The following VANGL2 variants were observed in gnomAD, a reference collection of about 807,000 sequenced individuals.
The protein encoded by VANGL2 is vang-like protein 2.
Under a neutral mutation model 50.2 loss-of-function variants are expected in VANGL2, and 14 were observed. The ratio of observed to expected loss-of-function variants is 0.28; its 90% confidence interval spans 0.18 to 0.44. The LOEUF (loss-of-function observed/expected upper bound fraction) is 0.44. Ranked by LOEUF, VANGL2 falls within the 20% of genes least tolerant of loss-of-function variation. The pLI, the probability that VANGL2 is intolerant of heterozygous loss-of-function variation, is 1.00. For synonymous variants in VANGL2, 295 were observed against 297.2 expected (o/e 0.99, Z 0.08); for missense variants, 533 against 701.5 (o/e 0.76, Z 2.71).
At chr1:160,420,058 G>A (rs1332319313) in intron 4 of VANGL2, among the ~76,000 whole-genome samples, 1 of 152,090 alleles carries the variant, frequency 6.6e-6, no homozygotes, top group Non-Finnish European at 1.5e-5. Context: ...TCAGCTCCCA[G>A]TAAACAAGCT....
chr1:160,421,342 A>G (rs1028620890), intron 6 of VANGL2, among the ~76,000 whole-genome samples, 155 bp downstream of exon 6: 1 of 152,190 alleles, frequency 6.6e-6, no homozygotes, highest in Non-Finnish European at 1.5e-5. Flanking sequence ...ACAGATTACC[A>G]TAAACTTAGC....
intron 6 of VANGL2, among the ~76,000 whole-genome samples, chr1:160,423,497 T>G (rs1192510332): frequency 6.6e-6 from 1 of 152,238 alleles, no homozygotes; most frequent in Non-Finnish European, 1.5e-5. Context: ...CTCTTGTGAA[T>G]TTTCTGTTCA....
chr1:160,425,070 G>A (rs370351662), intron 7 of VANGL2, 48 bp from the exon 8 acceptor site: 25 of 1,613,788 alleles, frequency 1.5e-5, no homozygotes, highest in Admixed American at 5.0e-5. Flanking sequence ...ATGAAGGACC[G>A]TGGGTAGATG....
At chr1:160,412,903 G>GTA (rs1446564846) in intron 1 of VANGL2, among the ~76,000 whole-genome samples, 1 of 152,130 alleles carries the variant, frequency 6.6e-6, no homozygotes, top group Non-Finnish European at 1.5e-5. Context: ...CTATGTTTAG[G>GTA]TACACAAGTA....
Position 160,425,487 on chromosome 1 carries a change from T to TC in VANGL2, c.*109_*110insC. On this transcript the variant is annotated 3_prime_UTR_variant, in exon 8 of 8. Transcript: ENST00000368061. ...CCTGCCACCCTTCTTCTTCTTGCTC[T>TC]TTTTTTTTTACTTGAATTAACGCAC... The TC allele has an allele frequency of 1.5e-6, 1 of 673,180 alleles. No individual in the cohort carries two copies. Among genetic ancestry groups the TC allele is most frequent in the East Asian group, 4.1e-5 (1 of 24,276 alleles). The allele number at this position is 673,180 out of a possible 1,614,324, so 41.7% of individuals were successfully genotyped here. A position where few individuals can be genotyped will look rare whatever the true frequency, so the allele number is the denominator to read the frequency against.
rs1651445815 is a variant in VANGL2 at position 160,426,123 on chromosome 1, T to C, written c.*745T>C. On this transcript the variant is annotated 3_prime_UTR_variant, in exon 8 of 8. Transcript: ENST00000368061. ...GGGACTTAGGGGAAGGTACCTTTCTTCCAATGTGTCTTCCTAGGCAGCCCC... is the reference window on the plus strand; with the variant it reads ...GGGACTTAGGGGAAGGTACCTTTCTCCCAATGTGTCTTCCTAGGCAGCCCC... The C allele has an allele frequency of 1.3e-5, 2 of 152,162 alleles. No homozygotes were observed. The highest frequency in any genetic ancestry group is 4.8e-5 in the African/African-American group (2 of 41,416). 9.4% of individuals were successfully genotyped at this position (152,162 alleles called of 1,614,324 possible).
chr1:160,410,768 T>C (rs1409833451), intron 1 of VANGL2, among the ~76,000 whole-genome samples: 1 of 152,042 alleles, frequency 6.6e-6, no homozygotes, highest in Non-Finnish European at 1.5e-5. Flanking sequence ...GTGTATTTTT[T>C]CCAGAGGCCT....
At chr1:160,402,376 A>G (rs1650504299) in intron 1 of VANGL2, among the ~76,000 whole-genome samples, 1 of 152,120 alleles carries the variant, frequency 6.6e-6, no homozygotes, top group Admixed American at 6.5e-5. Flanking sequence ...GCTGCTTCAT[A>G]GCCTTCTAAC....
At chr1:160,417,700 C>T (rs1651109072) in intron 3 of VANGL2, among the ~76,000 whole-genome samples, 2 of 152,354 alleles carry the variant, frequency 1.3e-5, no homozygotes, top group South Asian at 4.1e-4. Context: ...TTGCCCAGCC[C>T]AGCACTGCAG....
At chr1:160,417,603 AC>A (rs1222364770) in intron 3 of VANGL2, among the ~76,000 whole-genome samples, 1 of 151,774 alleles carries the variant, frequency 6.6e-6, no homozygotes, top group Non-Finnish European at 1.5e-5. Context: ...TCACCCCTTT[AC>A]CCCTGGGGTC....
At chr1:160,415,983 G>A in intron 2 of VANGL2, 75 bp downstream of exon 2, 8 of 1,614,218 alleles carry the variant, frequency 5.0e-6, no homozygotes, top group Non-Finnish European at 5.9e-6. Flanking sequence ...ACGTGCAGGG[G>A]TGGTAGGGTA....
chr1:160,407,594 G>A (rs1008237017), intron 1 of VANGL2, among the ~76,000 whole-genome samples: 1 of 152,204 alleles, frequency 6.6e-6, no homozygotes, highest in African/African-American at 2.4e-5. Context: ...CAGGGGCTGG[G>A]TGAGCAGGCT....
intron 1 of VANGL2, among the ~76,000 whole-genome samples, chr1:160,408,031 G>T (rs372959343): frequency 6.6e-6 from 1 of 152,182 alleles, no homozygotes; most frequent in Non-Finnish European, 1.5e-5. Context: ...TCCACCCCCA[G>T]TGTTCTCTTC....
chr1:160,422,473 A>G (rs1235926085), intron 6 of VANGL2, among the ~76,000 whole-genome samples: 1 of 152,234 alleles, frequency 6.6e-6, no homozygotes, highest in Admixed American at 6.5e-5. Flanking sequence ...TGAGAAATGT[A>G]GGGGAAGCAA....
chr1:160,424,262 C>G lies in VANGL2; in HGVS notation c.1284C>G (p.Ile428Met). 1 of 1,614,220 alleles carries G rather than the reference C, an allele frequency of 6.2e-7. No homozygotes were observed. ...ESILQHLEFCITHDMTPKAFL... is the reference protein window; with the variant it reads ...ESILQHLEFCMTHDMTPKAFL... ...TCCTGCAGCACCTTGAATTCTGCAT[C>G]ACGCATGACATGACGCCCAAGGTAG... Residue 428 changes from isoleucine to methionine, a missense_variant, in exon 7 of 8, where the codon ATC becomes ATG. Physicochemically the swap from Ile to Met is conservative, Grantham distance 10 (BLOSUM62 1). Coordinates refer to ENST00000368061, the MANE Select transcript of VANGL2 (RefSeq NM_020335.3).
intron 1 of VANGL2, among the ~76,000 whole-genome samples, chr1:160,408,958 G>T (rs772532774): frequency 2.0e-5 from 3 of 152,232 alleles, no homozygotes; most frequent in African/African-American, 7.2e-5. Context: ...ATAGCCCAAG[G>T]CTGGATGGGG....
In VANGL2 at chr1:160,419,689, T is replaced by C. The variant is rs1651199581; in HGVS notation, c.800+80T>C. On this transcript the variant is annotated intron_variant, in intron 4 of 7. Transcript: ENST00000368061. This position sits in a 1 kb window ranked among gnomAD's most constrained non-coding sequence, Gnocchi z 5.8. ...GAGTGACTGCTAGGGTGGGAGGGTA[T>C]GATGGTGGGCTGGAGGTGATGGGCT... 5 of 1,546,402 alleles carry C rather than the reference T, an allele frequency of 3.2e-6. No individual in the cohort carries two copies. Among genetic ancestry groups the C allele is most frequent in the Non-Finnish European group, 3.5e-6 (4 of 1,154,584 alleles).
intron 1 of VANGL2, 97 bp from the exon 2 acceptor site, chr1:160,415,551 T>C (rs1202800870): frequency 1.9e-5 from 9 of 478,980 alleles, no homozygotes; most frequent in Non-Finnish European, 3.5e-5. Context: ...CTGGGCTCAT[T>C]TGAGCCTCCT....
intron 1 of VANGL2, among the ~76,000 whole-genome samples, chr1:160,410,046 G>A (rs1245204451): frequency 6.6e-6 from 1 of 152,130 alleles, no homozygotes; most frequent in Non-Finnish European, 1.5e-5. Context: ...GTGGGCAGGG[G>A]CCCACAGACG....
Sources: gnomAD v4.1 joint callset for allele counts (sites outside exome capture counted in the v4.1 genomes callset) on GRCh38, gnomAD v4.1.1 for gene constraint, Gnocchi (gnomAD v3.1) non-coding constraint, MANE v1.5 for transcripts, NCBI Gene and HGNC (gene_info 2026-07-23, HGNC 2026-07-21) for gene names.